The following CDH13 variants were observed in gnomAD, a reference collection of about 807,000 sequenced individuals.
The protein encoded by CDH13 is cadherin-13.
A neutral mutation model predicts 63.8 loss-of-function variants in CDH13; 24 were observed. That is an observed-to-expected ratio of 0.38 (90% CI 0.27 to 0.53). The LOEUF is 0.53. Among genes scored for constraint, CDH13 ranks in the 20% least tolerant of loss-of-function variants. The probability of loss-of-function intolerance (pLI) is 0.85; values close to 1 mark genes in which losing one functional copy is unlikely to be tolerated. For missense variants in CDH13, 1,049 were observed against 903.1 expected (o/e 1.16, Z -2.07); for synonymous variants, 503 against 355.3 (o/e 1.42, Z -4.67).
chr16:82,989,580 C>T (rs1168304002), intron 2 of CDH13, among the ~76,000 whole-genome samples: 1 of 152,190 alleles, frequency 6.6e-6, no homozygotes, highest in East Asian at 1.9e-4. Flanking sequence ...TCTCTAGGCC[C>T]AGAGCCTAGA....
intron 2 of CDH13, among the ~76,000 whole-genome samples, chr16:82,993,263 G>A (rs1443835469): frequency 6.6e-6 from 1 of 151,898 alleles, no homozygotes; most frequent in African/African-American, 2.4e-5. Flanking sequence ...CAGATGTCTT[G>A]GGCTCTCCCA....
Position 82,778,943 on chromosome 16 carries a change from G to A in CDH13, c.46-79419G>A, listed in dbSNP as rs1343602991. On this transcript the variant is annotated intron_variant, in intron 1 of 13. Transcript: ENST00000567109. ...AAGTGTTGGTCTGAAGAAAGGAAAT[G>A]ATCAGGAATTAGCCCTGGAGCCTGC... is the stretch of plus-strand genomic sequence containing the variant. 2.6e-5 allele frequency among the ~76,000 whole-genome samples: 4 copies of A among 152,096 alleles called. No individual in the cohort carries two copies. In the East Asian group the frequency reaches 7.7e-4, roughly 29 times the overall value.
chr16:82,641,936 C>T (rs542214570), intron 1 of CDH13, among the ~76,000 whole-genome samples: 5 of 152,030 alleles, frequency 3.3e-5, no homozygotes, highest in Admixed American at 3.3e-4. Context: ...GGGTAGATAG[C>T]GACAGGCAGA....
intron 2 of CDH13, among the ~76,000 whole-genome samples, chr16:83,020,344 T>A (rs552468745): frequency 6.6e-6 from 1 of 152,294 alleles, no homozygotes; most frequent in South Asian, 2.1e-4. Flanking sequence ...TTCTGGCCTC[T>A]TTAATTATTA....
chr16:83,652,891 A>G (rs1270777520), intron 8 of CDH13, among the ~76,000 whole-genome samples: 2 of 152,222 alleles, frequency 1.3e-5, no homozygotes, highest in African/African-American at 4.8e-5. Flanking sequence ...CACTAAGTGG[A>G]AACAGTTCCA....
chr16:83,025,846 G>A (rs949553595), intron 2 of CDH13, among the ~76,000 whole-genome samples: 1 of 152,154 alleles, frequency 6.6e-6, no homozygotes, highest in African/African-American at 2.4e-5. Context: ...TAAGGTCCTG[G>A]TTCCTGGCTC....
chr16:83,508,099 A>AAGGAAGGAAGGAAAGAAG (rs1491205296), intron 7 of CDH13, among the ~76,000 whole-genome samples: 1 of 59,852 alleles, frequency 1.7e-5, no homozygotes, highest in Non-Finnish European at 3.1e-5. Flanking sequence ...AAGGAAGGAA[A>AAGGAAGGAAGGAAAGAAG]GAAGGAAGGA....
chr16:82,846,195 T>C (rs762075980), intron 1 of CDH13, among the ~76,000 whole-genome samples: 3 of 152,234 alleles, frequency 2.0e-5, no homozygotes, highest in Admixed American at 1.3e-4. Flanking sequence ...GAGGTTGTCA[T>C]GTGAAAAGTT....
intron 5 of CDH13, among the ~76,000 whole-genome samples, chr16:83,292,683 C>A (rs1567569455): frequency 6.6e-6 from 1 of 152,074 alleles, no homozygotes; most frequent in South Asian, 2.1e-4. Context: ...GAATTGGAAT[C>A]GTTGGGAATC....
At chr16:83,028,477 C>T (rs1056610396) in intron 2 of CDH13, among the ~76,000 whole-genome samples, 3 of 152,088 alleles carry the variant, frequency 2.0e-5, no homozygotes, top group African/African-American at 7.2e-5. Context: ...CAGGACTGGG[C>T]AGGAACATGA....
chr16:83,150,544 C>G (rs1040859683), intron 4 of CDH13, among the ~76,000 whole-genome samples: 1 of 152,210 alleles, frequency 6.6e-6, no homozygotes, highest in African/African-American at 2.4e-5. Flanking sequence ...TTGATTCTCA[C>G]CTGCCTGTGT....
At chr16:83,315,026 C>A (rs2090077415) in intron 5 of CDH13, among the ~76,000 whole-genome samples, 1 of 152,174 alleles carries the variant, frequency 6.6e-6, no homozygotes, top group African/African-American at 2.4e-5. Context: ...TTGGACAAGG[C>A]ACTTATATTC....
chr16:83,047,566 C>G lies in CDH13; in HGVS notation c.366+15348C>G, dbSNP rs1249910075. ...AAAAACTGAATTTTTAAAATACAAACAGAAAAAAAGCTCCCTGTATTTTCC... is the reference window on the plus strand; with the variant it reads ...AAAAACTGAATTTTTAAAATACAAAGAGAAAAAAAGCTCCCTGTATTTTCC... On this transcript the variant is annotated intron_variant, in intron 3 of 13. Transcript: ENST00000567109. The surrounding 1 kb of genome is among the most constrained non-coding windows in gnomAD (Gnocchi z 4.9). 6.6e-6 allele frequency among the ~76,000 whole-genome samples: 1 copy of G among 151,936 alleles called. No individual in the cohort carries two copies. The highest frequency in any genetic ancestry group is 1.5e-5 in the Non-Finnish European group (1 of 67,968).
At chr16:83,751,066 C>A (rs1913042495) in intron 11 of CDH13, among the ~76,000 whole-genome samples, 1 of 151,470 alleles carries the variant, frequency 6.6e-6, no homozygotes, top group East Asian at 1.9e-4. Flanking sequence ...GCTAGCATGG[C>A]AGGTTCTTTG....
chr16:83,435,744 G>A (rs1412083187), intron 6 of CDH13, among the ~76,000 whole-genome samples: 2 of 152,156 alleles, frequency 1.3e-5, no homozygotes, highest in African/African-American at 4.8e-5. Context: ...GTCCCTAGGA[G>A]AGGCCAAGCC....
intron 3 of CDH13, among the ~76,000 whole-genome samples, chr16:83,102,930 C>CTTTTTTTTTTTTTTTTT (rs71148812): frequency 1.5e-4 from 15 of 96,928 alleles, no homozygotes; most frequent in Non-Finnish European, 1.9e-4. Context: ...TTTTCTTTTT[C>CTTTTTTTTTTTTTTTTT]TTTTTTTTTT....
chr16:82,880,850 T>C (rs916530806), intron 2 of CDH13, among the ~76,000 whole-genome samples: 5 of 152,204 alleles, frequency 3.3e-5, no homozygotes, highest in Non-Finnish European at 7.3e-5. Context: ...TGACTTTGAA[T>C]GAGGGAATTC....
At chr16:82,912,761 G>T (rs1336042857) in intron 2 of CDH13, among the ~76,000 whole-genome samples, 1 of 152,156 alleles carries the variant, frequency 6.6e-6, no homozygotes, top group African/African-American at 2.4e-5. Flanking sequence ...GGCTAATACG[G>T]TGAAACCCCG....
intron 7 of CDH13, among the ~76,000 whole-genome samples, chr16:83,502,051 T>C (rs2074295339): frequency 6.6e-6 from 1 of 152,226 alleles, no homozygotes; most frequent in South Asian, 2.1e-4. Context: ...CCTAGGTTTC[T>C]TTGGCTGTAA....
Sources: gnomAD v4.1 joint callset for allele counts (sites outside exome capture counted in the v4.1 genomes callset) on GRCh38, gnomAD v4.1.1 for gene constraint, Gnocchi (gnomAD v3.1) non-coding constraint, MANE v1.5 for transcripts, NCBI Gene and HGNC (gene_info 2026-07-23, HGNC 2026-07-21) for gene names.